Variants in FSTL5 observed in about 807,000 individuals in gnomAD.
FSTL5 encodes the protein follistatin-related protein 5.
A neutral mutation model predicts 89.1 loss-of-function variants in FSTL5; 62 were observed. The observed-to-expected ratio is 0.70, with a 90% CI of 0.57 to 0.86. FSTL5 has a LOEUF of 0.86. Among genes scored for constraint, FSTL5 ranks in the 40% least tolerant of loss-of-function variants. The pLI is 0.00. For missense variants in FSTL5, 1,057 were observed against 1,001.6 expected (o/e 1.06, Z -0.75); for synonymous variants, 383 against 346.2 (o/e 1.11, Z -1.18).
chr4:161,534,922 A>G (rs964293629), intron 10 of FSTL5, among the ~76,000 whole-genome samples: 1 of 152,098 alleles, frequency 6.6e-6, no homozygotes, highest in African/African-American at 2.4e-5. Context: ...AAACTCATAC[A>G]CTTACAACCA....
intron 3 of FSTL5, among the ~76,000 whole-genome samples, chr4:161,993,569 T>C (rs1243738534): frequency 3.3e-5 from 5 of 152,136 alleles, no homozygotes; most frequent in African/African-American, 7.2e-5. Context: ...TATATGCATA[T>C]AATATACTTT....
chr4:161,746,785 T>A (rs1240239182), intron 6 of FSTL5, among the ~76,000 whole-genome samples: 2 of 152,184 alleles, frequency 1.3e-5, no homozygotes, highest in Admixed American at 1.3e-4. Context: ...ATTATTATGT[T>A]CACTAAGTTT....
chr4:161,463,903 C>G (rs1477217026), intron 13 of FSTL5, among the ~76,000 whole-genome samples: 1 of 152,102 alleles, frequency 6.6e-6, no homozygotes, highest in Non-Finnish European at 1.5e-5. Context: ...TCTACTATCC[C>G]CATGAACACA....
chr4:162,033,988 G>A (rs1737637225), intron 2 of FSTL5, among the ~76,000 whole-genome samples: 1 of 151,850 alleles, frequency 6.6e-6, no homozygotes, highest in Non-Finnish European at 1.5e-5. Context: ...TTTTTGTAGA[G>A]ACGAGGCTTC....
intron 3 of FSTL5, among the ~76,000 whole-genome samples, chr4:161,967,169 T>C (rs1735352478): frequency 6.6e-6 from 1 of 152,060 alleles, no homozygotes; most frequent in Non-Finnish European, 1.5e-5. Context: ...TAGTTTAGTT[T>C]ACCTGAGATA....
At chr4:161,667,118 T>C (rs1736928165) in intron 6 of FSTL5, among the ~76,000 whole-genome samples, 1 of 152,128 alleles carries the variant, frequency 6.6e-6, no homozygotes, top group Non-Finnish European at 1.5e-5. Context: ...CATTTTATTT[T>C]TTAATTCATG....
intron 4 of FSTL5, among the ~76,000 whole-genome samples, chr4:161,851,879 T>C (rs1209308151): frequency 1.6e-5 from 2 of 128,480 alleles, no homozygotes; most frequent in Admixed American, 8.9e-5. Context: ...GAAAACCCAA[T>C]TGATCTCATC....
chr4:161,766,321 C>G (rs1740997156), intron 5 of FSTL5, among the ~76,000 whole-genome samples: 1 of 152,040 alleles, frequency 6.6e-6, no homozygotes, highest in African/African-American at 2.4e-5. Flanking sequence ...TTGCTGCTGA[C>G]AAACTGAGGC....
intron 6 of FSTL5, among the ~76,000 whole-genome samples, chr4:161,672,376 G>C (rs748252227): frequency 6.6e-6 from 1 of 152,128 alleles, no homozygotes; most frequent in Non-Finnish European, 1.5e-5. Context: ...CAACAAGGAA[G>C]ACAACGCCCC....
chr4:161,810,951 G>A (rs982140794), intron 4 of FSTL5, among the ~76,000 whole-genome samples: 58 of 152,086 alleles, frequency 3.8e-4, no homozygotes, highest in African/African-American at 1.4e-3. Flanking sequence ...CACTCACAAA[G>A]TAACTATGCG....
intron 4 of FSTL5, among the ~76,000 whole-genome samples, chr4:161,804,987 A>C (rs1367777233): frequency 6.6e-6 from 1 of 152,056 alleles, no homozygotes; most frequent in Non-Finnish European, 1.5e-5. Context: ...TTTTGAGGCA[A>C]CCTGCATTTA....
rs1321532829 is a variant in FSTL5, at chr4:161,789,916, T to C, written c.410-13842A>G. ...GATAGAAAGCATATAAAGCAAATTT[T>C]TGTTTTAATTTTTCCATTCTTTATT... On this transcript the variant is annotated intron_variant, in intron 4 of 15. Coordinates refer to ENST00000306100, the MANE Select transcript of FSTL5 (RefSeq NM_020116.5). 2.6e-5 allele frequency among the ~76,000 whole-genome samples: 4 copies of C among 152,210 alleles called. No individual in the cohort carries two copies. The South Asian group carries it at 8.3e-4, about 32-fold the overall frequency.
intron 7 of FSTL5, among the ~76,000 whole-genome samples, chr4:161,631,559 GT>G (rs1272112223): frequency 1.3e-5 from 2 of 152,200 alleles, no homozygotes; most frequent in African/African-American, 4.8e-5. Context: ...AGAGGTTGCA[GT>G]GAGCCTAGAT....
At chr4:162,118,300 G>T (rs1446321005) in intron 1 of FSTL5, among the ~76,000 whole-genome samples, 2 of 151,048 alleles carry the variant, frequency 1.3e-5, no homozygotes, top group African/African-American at 4.9e-5. Context: ...TCGCTCTGTC[G>T]CCCAGGCTGG....
chr4:162,077,746 G>T (rs1305472587), intron 2 of FSTL5, among the ~76,000 whole-genome samples: 7 of 151,740 alleles, frequency 4.6e-5, no homozygotes. Context: ...GGATTTATAA[G>T]GCCAGTTTCA....
intron 7 of FSTL5, among the ~76,000 whole-genome samples, chr4:161,634,077 A>G (rs1210693681): frequency 6.6e-6 from 1 of 152,218 alleles, no homozygotes; most frequent in East Asian, 1.9e-4. Context: ...TCAAAAGTTA[A>G]TGTCCAAACA....
intron 15 of FSTL5, among the ~76,000 whole-genome samples, chr4:161,429,671 G>C (rs1190820303): frequency 1.3e-5 from 2 of 152,198 alleles, no homozygotes; most frequent in African/African-American, 4.8e-5. Flanking sequence ...CTCTAATGCA[G>C]ATATGGCTGC....
Position 161,384,110 on chromosome 4 carries a change from T to C in FSTL5, c.*1637A>G, listed in dbSNP as rs1730530622. ...GAAACATAAGCTGATTTTTGTTGTTTATTAAATCTACCTCGCATGTTTCTG... is the reference window on the plus strand; with the variant it reads ...GAAACATAAGCTGATTTTTGTTGTTCATTAAATCTACCTCGCATGTTTCTG... On this transcript the variant is annotated 3_prime_UTR_variant, in exon 16 of 16. Transcript: ENST00000306100. 6.6e-6 allele frequency: 1 copy of C among 152,180 alleles called. No individual in the cohort carries two copies. 9.4% of individuals were successfully genotyped at this position (152,180 alleles called of 1,614,324 possible). A position where few individuals can be genotyped will look rare whatever the true frequency, so the allele number is the denominator to read the frequency against.
intron 4 of FSTL5, among the ~76,000 whole-genome samples, chr4:161,877,998 T>TC (rs909567415): frequency 1.3e-5 from 2 of 151,060 alleles, no homozygotes; most frequent in African/African-American, 4.9e-5. Context: ...TTAAAAATCT[T>TC]TTTTTTACTT....
Sources: allele counts gnomAD v4.1 joint callset (sites outside exome capture counted in the v4.1 genomes callset), GRCh38; gene constraint gnomAD v4.1.1; transcripts MANE v1.5; gene names NCBI Gene and HGNC (gene_info 2026-07-23, HGNC 2026-07-21).